The following SLC24A2 variants were observed in gnomAD, a reference collection of about 807,000 sequenced individuals.
The protein encoded by SLC24A2 is solute carrier family 24 member 2.
A neutral mutation model predicts 62.0 loss-of-function variants in SLC24A2; 36 were observed. That is an observed-to-expected ratio of 0.58 (90% confidence interval 0.44 to 0.77). The LOEUF (loss-of-function observed/expected upper bound fraction) is 0.77, where lower values mean the gene tolerates loss of function less well. Among genes scored for constraint, SLC24A2 ranks in the 30% least tolerant of loss-of-function variants. The pLI is 0.00. For missense variants in SLC24A2, 846 were observed against 817.9 expected (o/e 1.03, Z -0.42); for synonymous variants, 358 against 294.0 (o/e 1.22, Z -2.23).
chr9:19,557,384 A>G (rs1835148080), intron 7 of SLC24A2, among the ~76,000 whole-genome samples: 1 of 152,176 alleles, frequency 6.6e-6, no homozygotes, highest in Non-Finnish European at 1.5e-5. Context: ...TGTTTTACAA[A>G]GCTTTGGGGA....
At chr9:19,882,685 G>A in the SLC24A2 span, among the ~76,000 whole-genome samples, 581 of 148,570 alleles carry the variant, frequency 3.9e-3, 5 homozygotes, top group African/African-American at 0.013. Context: ...AAAAAATAGA[G>A]AATAGGTTTC....
chr9:20,028,661 C>G, the SLC24A2 span, among the ~76,000 whole-genome samples: 3 of 152,204 alleles, frequency 2.0e-5, no homozygotes, highest in Non-Finnish European at 4.4e-5. Flanking sequence ...CAGAGCCCAT[C>G]AGGCTTACTA....
the SLC24A2 span, among the ~76,000 whole-genome samples, chr9:20,197,571 A>G: frequency 6.6e-6 from 1 of 151,512 alleles, no homozygotes; most frequent in South Asian, 2.1e-4. Flanking sequence ...AGCTGACACT[A>G]CAGGCATGCA....
the SLC24A2 span, among the ~76,000 whole-genome samples, chr9:19,876,499 T>C: frequency 1.3e-5 from 2 of 152,142 alleles, no homozygotes; most frequent in East Asian, 3.9e-4. Context: ...ACAGCCTTCT[T>C]CTGGTTAAGT....
chr9:19,668,872 T>G (rs896998181), intron 2 of SLC24A2, among the ~76,000 whole-genome samples: 1 of 152,182 alleles, frequency 6.6e-6, no homozygotes, highest in Non-Finnish European at 1.5e-5. Context: ...TCTGTGACCA[T>G]AGCCCCTAAT....
At chr9:20,054,262 G>A in the SLC24A2 span, among the ~76,000 whole-genome samples, 1 of 151,732 alleles carries the variant, frequency 6.6e-6, no homozygotes. Context: ...TGTGATCTTG[G>A]CTCACTGCAA....
the SLC24A2 span, among the ~76,000 whole-genome samples, chr9:20,066,529 A>AT: frequency 6.6e-6 from 1 of 152,246 alleles, no homozygotes; most frequent in Non-Finnish European, 1.5e-5. Context: ...CTCTGTGTCT[A>AT]TATCCATATT....
chr9:19,965,156 T>C, the SLC24A2 span, among the ~76,000 whole-genome samples: 1 of 151,576 alleles, frequency 6.6e-6, no homozygotes, highest in Non-Finnish European at 1.5e-5. Flanking sequence ...AGAGAAAAGG[T>C]AGAAGTAATA....
the SLC24A2 span, among the ~76,000 whole-genome samples, chr9:19,812,134 A>G: frequency 6.6e-6 from 1 of 152,084 alleles, no homozygotes; most frequent in Non-Finnish European, 1.5e-5. Context: ...ATTACTTTCC[A>G]TTTAATTGTT....
chr9:19,962,245 C>T, the SLC24A2 span, among the ~76,000 whole-genome samples: 2 of 152,128 alleles, frequency 1.3e-5, no homozygotes, highest in African/African-American at 2.4e-5. Flanking sequence ...GTAGCAGTAC[C>T]ATGCTGTTTT....
the SLC24A2 span, among the ~76,000 whole-genome samples, chr9:19,989,401 C>T: frequency 1.3e-5 from 2 of 152,228 alleles, no homozygotes; most frequent in Admixed American, 1.3e-4. Context: ...ACATCATAAG[C>T]ACTTACTAAA....
At chr9:19,820,056 C>CATAT in the SLC24A2 span, among the ~76,000 whole-genome samples, 47 of 20,724 alleles carry the variant, frequency 2.3e-3, 1 homozygote, top group African/African-American at 4.1e-3. Flanking sequence ...TATATATATA[C>CATAT]ACATATATAT....
the SLC24A2 span, among the ~76,000 whole-genome samples, chr9:20,086,359 G>A: frequency 6.6e-6 from 1 of 152,130 alleles, no homozygotes; most frequent in African/African-American, 2.4e-5. Flanking sequence ...GGACCCTGAG[G>A]CTCGAGATTC....
At chr9:19,986,330 G>T in the SLC24A2 span, among the ~76,000 whole-genome samples, 1 of 152,114 alleles carries the variant, frequency 6.6e-6, no homozygotes, top group African/African-American at 2.4e-5. Flanking sequence ...TGGGAATAAT[G>T]TACAAACCAA....
the SLC24A2 span, among the ~76,000 whole-genome samples, chr9:19,834,726 G>A: frequency 4.2e-4 from 64 of 152,078 alleles, no homozygotes; most frequent in East Asian, 4.8e-3. Flanking sequence ...TACAGAGAAC[G>A]CCACAAAGAT....
intron 2 of SLC24A2, among the ~76,000 whole-genome samples, chr9:19,636,310 TTTTCTTTTCTTTCTTTC>T (rs1262664664): frequency 3.8e-4 from 13 of 34,162 alleles, no homozygotes; most frequent in African/African-American, 1.6e-3. Context: ...TTTTCTTTTC[TTTTCTTTTCTTTCTTTC>T]TTTCTTTCTT....
chr9:19,837,976 G>C, the SLC24A2 span, among the ~76,000 whole-genome samples: 3 of 151,658 alleles, frequency 2.0e-5, no homozygotes, highest in Non-Finnish European at 4.4e-5. Flanking sequence ...TCAATATCGT[G>C]AAAATGGCCA....
At chr9:20,176,624 A>T in the SLC24A2 span, among the ~76,000 whole-genome samples, 3 of 152,120 alleles carry the variant, frequency 2.0e-5, no homozygotes, top group Non-Finnish European at 4.4e-5. Context: ...GACACCGATG[A>T]AGATGCATAA....
the SLC24A2 span, among the ~76,000 whole-genome samples, chr9:20,163,706 G>A: frequency 2.0e-5 from 3 of 152,216 alleles, no homozygotes; most frequent in East Asian, 1.9e-4. Flanking sequence ...AAAGCTGGAG[G>A]CATCATGCTA....
Sources: allele counts gnomAD v4.1 joint callset (sites outside exome capture counted in the v4.1 genomes callset), GRCh38; gene constraint gnomAD v4.1.1; transcripts MANE v1.5; gene names NCBI Gene and HGNC (gene_info 2026-07-23, HGNC 2026-07-21).